Variants in ZNF208 observed in about 807,000 individuals in gnomAD.
The protein encoded by ZNF208 is zinc finger protein 208.
A neutral mutation model predicts 12.1 loss-of-function variants in ZNF208; 10 were observed. The observed-to-expected ratio is 0.83, with a 90% CI of 0.51 to 1.40. The LOEUF is 1.40. ZNF208 is among the 40% of genes most tolerant of loss of function. ZNF208 has a pLI of 0.00. For synonymous variants in ZNF208, 497 were observed against 488.4 expected, an observed-to-expected ratio of 1.02 and a Z score of -0.23; for missense variants, 1,652 against 1,485.0, an observed-to-expected ratio of 1.11 and a Z score of -1.85.
In ZNF208 at chr19:21,968,397, C is replaced by T. The variant is rs1970210747; in HGVS notation, c.*2794G>A. On this transcript the variant is annotated 3_prime_UTR_variant, in exon 4 of 4. Coordinates refer to ENST00000397126, the MANE Select transcript of ZNF208 (RefSeq NM_007153.3). Reference sequence around the variant, plus strand: ...TCATCAATGTCCAGTGTGTTGACAACATTTTTGAGTTAATATTGGGTTTTC... The same window carrying T: ...TCATCAATGTCCAGTGTGTTGACAATATTTTTGAGTTAATATTGGGTTTTC... 6.6e-6 allele frequency: 1 copy of T among 152,068 alleles called. No individual in the cohort carries two copies. Among genetic ancestry groups the T allele is most frequent in the African/African-American group, 2.4e-5 (1 of 41,422 alleles). 9.4% of individuals were successfully genotyped at this position (152,068 alleles called of 1,614,324 possible). A position where few individuals can be genotyped will look rare whatever the true frequency, so the allele number is the denominator to read the frequency against.
At chr19:21,999,360 T>TTA (rs1481903533) in intron 1 of ZNF208, among the ~76,000 whole-genome samples, 1 of 152,150 alleles carries the variant, frequency 6.6e-6, no homozygotes, top group East Asian at 1.9e-4. Flanking sequence ...AAAATACTGT[T>TTA]TATATGAATG....
Position 21,971,705 on chromosome 19 carries a change from T to C in ZNF208, c.3329A>G (p.Glu1110Gly). The C allele has an allele frequency of 6.2e-7, 1 of 1,613,988 alleles. No homozygotes were observed. Among genetic ancestry groups the C allele is most frequent in the Non-Finnish European group, 8.5e-7 (1 of 1,179,986 alleles). ...LMEHKRIHTG[E>G]KPYKCEECGK... Reference sequence around the variant, plus strand: ...ACATTCTTCACATTTGTAGGGTTTCTCTCCAGTATGAATTCTCTTATGTTC... The same window carrying C: ...ACATTCTTCACATTTGTAGGGTTTCCCTCCAGTATGAATTCTCTTATGTTC... Residue 1110 changes from glutamate (E) to glycine (G), a missense_variant, in exon 4 of 4, where the codon GAG (glutamate) becomes GGG (glycine). Physicochemically the swap from Glu to Gly is moderately conservative, Grantham distance 98. Coordinates refer to ENST00000397126, the MANE Select transcript of ZNF208 (RefSeq NM_007153.3).
rs1376835466 is a variant in ZNF208, at chr19:21,971,333, A to T, written c.3701T>A (p.Phe1234Tyr). ...TTTAGTGAGGATTGAGAACGTACTA[A>T]AGGCTTTGCCACATTCTTCACATTT... The part of the protein sequence containing the change: ...PYKCEECGKA[F>Y]STFSILTKHK... The change falls in exon 4 of 4, where the codon TTT (phenylalanine) becomes TAT (tyrosine). Residue 1234 changes from phenylalanine to tyrosine, a missense_variant. By Grantham distance (22) the Phe-to-Tyr change is conservative (BLOSUM62 3). This residue lies in a region of ZNF208 where 1,239 missense variants were observed against 1,086.2 expected (regional missense o/e 1.14). Coordinates refer to ENST00000397126, the MANE Select transcript of ZNF208 (RefSeq NM_007153.3). The T allele has an allele frequency of 1.9e-5, 30 of 1,609,578 alleles. No homozygotes were observed. Among genetic ancestry groups the T allele is most frequent in the Non-Finnish European group, 2.5e-5 (29 of 1,179,484 alleles).
chr19:21,978,148 T>C (rs1244838165), intron 3 of ZNF208, among the ~76,000 whole-genome samples: 1 of 152,186 alleles, frequency 6.6e-6, no homozygotes, highest in Non-Finnish European at 1.5e-5. Context: ...GAGTGCAGCT[T>C]CAGCAGACTT....
chr19:21,964,655 T>G (rs957336000), downstream of ZNF208, among the ~76,000 whole-genome samples: 42 of 151,736 alleles, frequency 2.8e-4, no homozygotes, highest in African/African-American at 9.9e-4. Context: ...TAACTTAGAA[T>G]TATATTAAAT....
intron 4 of ZNF208, among the ~76,000 whole-genome samples, chr19:21,959,604 G>A (rs1310606004): frequency 6.6e-6 from 1 of 152,110 alleles, no homozygotes; most frequent in Non-Finnish European, 1.5e-5. Context: ...TGCCTTTGAG[G>A]GGGGAAAATA....
chr19:21,976,155 A>G (rs1250964829), intron 3 of ZNF208, among the ~76,000 whole-genome samples: 7 of 152,196 alleles, frequency 4.6e-5, no homozygotes, highest in African/African-American at 1.7e-4. Flanking sequence ...AGATAAAAGC[A>G]TAGGAATTAT....
chr19:21,987,017 AAAG>A (rs1970638895), intron 3 of ZNF208, 196 bp downstream of exon 3: 2 of 530,782 alleles, frequency 3.8e-6, no homozygotes, highest in Non-Finnish European at 6.4e-6. Flanking sequence ...TACTGAAGGG[AAAG>A]AAGAATTCTT....
chr19:21,965,420 C>A (rs1003260861), downstream of ZNF208, among the ~76,000 whole-genome samples: 3 of 151,994 alleles, frequency 2.0e-5, no homozygotes, highest in African/African-American at 7.2e-5. Context: ...AATGCCACAC[C>A]TTGATTGAAA....
chr19:21,940,062 C>T (rs1237205390), intron 4 of ZNF208: 2 of 152,080 alleles, frequency 1.3e-5, no homozygotes, highest in Non-Finnish European at 1.5e-5. Flanking sequence ...AATCCCACCA[C>T]TTTGGGAGGC....
In ZNF208 at chr19:21,971,323, G is replaced by C; in HGVS notation, c.3711C>G (p.Phe1237Leu). The C allele has an allele frequency of 6.2e-7, 1 of 1,611,224 alleles. No individual in the cohort carries two copies. Among genetic ancestry groups the C allele is most frequent in the Non-Finnish European group, 8.5e-7 (1 of 1,179,850 alleles). The change falls in exon 4 of 4, where the codon TTC becomes TTG. Residue 1237 changes from phenylalanine to leucine, a missense_variant. Transcript: ENST00000397126. The stretch of plus-strand genomic sequence containing the variant: ...TTACCTTATGTTTAGTGAGGATTGA[G>C]AACGTACTAAAGGCTTTGCCACATT... ...CEECGKAFSTFSILTKHKVIH... is the reference protein window; with the variant it reads ...CEECGKAFSTLSILTKHKVIH...
intron 3 of ZNF208, among the ~76,000 whole-genome samples, chr19:21,978,722 G>A (rs1568447723): frequency 6.6e-6 from 1 of 152,166 alleles, no homozygotes; most frequent in Non-Finnish European, 1.5e-5. Context: ...TGGAGAATGA[G>A]TTTGACGAAT....
intron 4 of ZNF208, among the ~76,000 whole-genome samples, chr19:21,952,866 C>A (rs1297308802): frequency 1.3e-5 from 2 of 152,130 alleles, no homozygotes; most frequent in African/African-American, 4.8e-5. Flanking sequence ...TAGTAACAAA[C>A]TTCTGAGCTA....
intron 3 of ZNF208, among the ~76,000 whole-genome samples, chr19:21,976,748 AC>A (rs1382387000): frequency 6.6e-6 from 1 of 152,116 alleles, no homozygotes; most frequent in African/African-American, 2.4e-5. Flanking sequence ...GGTAGTAGAG[AC>A]AGAGTTTTAC....
intron 4 of ZNF208, among the ~76,000 whole-genome samples, chr19:21,955,200 G>C (rs1479612430): frequency 6.6e-6 from 1 of 152,132 alleles, no homozygotes; most frequent in African/African-American, 2.4e-5. Flanking sequence ...GAGATCAGCT[G>C]TTAGCCTGAT....
In ZNF208 at chr19:21,974,537, C is replaced by A; in HGVS notation, c.497G>T (p.Arg166Met). The A allele has an allele frequency of 6.2e-7, 1 of 1,613,542 alleles. No homozygotes were observed. The highest frequency in any genetic ancestry group is 8.5e-7 in the Non-Finnish European group (1 of 1,179,674). Residue 166 changes from arginine (R) to methionine (M), a missense_variant, in exon 4 of 4, where the codon AGG (arginine) becomes ATG (methionine). By Grantham distance (91) the Arg-to-Met change is moderately conservative. Coordinates refer to ENST00000397126, the MANE Select transcript of ZNF208 (RefSeq NM_007153.3). ...TTGCAAATGTTTCTTTCCAGTATGC[C>A]TTATCTTATGTCTGTTTGAATTTGA... ...KCSNSNRHKIRHTGKKHLQCK... is the reference protein window; with the variant it reads ...KCSNSNRHKIMHTGKKHLQCK...
chr19:21,943,422 A>G (rs73537063), intron 4 of ZNF208, among the ~76,000 whole-genome samples: 7,265 of 152,332 alleles, frequency 0.048, 475 homozygotes, highest in African/African-American at 0.15. Flanking sequence ...AGACCATTGC[A>G]TGAACTTTAT....
intron 4 of ZNF208, among the ~76,000 whole-genome samples, chr19:21,952,292 G>A (rs1391329985): frequency 6.6e-6 from 1 of 152,348 alleles, no homozygotes; most frequent in Admixed American, 6.5e-5. Flanking sequence ...TCTGAAGAGA[G>A]CAGTGGTTCA....
chr19:21,962,034 G>A (rs1044951182), downstream of ZNF208, among the ~76,000 whole-genome samples: 3 of 152,112 alleles, frequency 2.0e-5, no homozygotes, highest in African/African-American at 7.2e-5. Flanking sequence ...GTATTATTTG[G>A]GATCTGATAA....
Sources: gnomAD v4.1 joint callset for allele counts (sites outside exome capture counted in the v4.1 genomes callset) on GRCh38, gnomAD v4.1.1 for gene constraint, gnomAD v4.1.1 regional missense constraint, MANE v1.5 for transcripts, NCBI Gene and HGNC (gene_info 2026-07-23, HGNC 2026-07-21) for gene names.